TTC23: variants seen among roughly 807,000 people sequenced by gnomAD.
TTC23 encodes the protein tetratricopeptide repeat protein 23.
TTC23 carries 58 observed loss-of-function variants against 55.1 expected under a neutral mutation model. That is an observed-to-expected ratio of 1.05 (90% CI 0.85 to 1.31). TTC23 has a LOEUF of 1.31. TTC23 is among the 50% of genes most tolerant of loss of function. The probability of loss-of-function intolerance (pLI) is 0.00; values close to 1 mark genes in which losing one functional copy is unlikely to be tolerated. For missense variants in TTC23, 516 were observed against 534.4 expected (o/e 0.97, Z 0.34); for synonymous variants, 203 against 199.9 (o/e 1.02, Z -0.13).
Position 99,175,085 on chromosome 15 carries a change from T to TG in TTC23, c.829dup (p.His277ProfsTer13), listed in dbSNP as rs751168466. On this transcript the variant is annotated frameshift_variant, in exon 10 of 14. Coordinates refer to ENST00000394132, the MANE Select transcript of TTC23 (RefSeq NM_001288615.3). LOFTEE classifies it high-confidence loss of function. ...GTGTCTCCCTGAAGCGACAGCAGCATGGGCGACGATGTGTGCCGAGTCTGC... is the reference window on the plus strand; with the variant it reads ...GTGTCTCCCTGAAGCGACAGCAGCATGGGGCGACGATGTGTGCCGAGTCTGC... 1 of 1,614,166 alleles carries TG rather than the reference T, an allele frequency of 6.2e-7. No homozygotes were observed. Among genetic ancestry groups the TG allele is most frequent in the Non-Finnish European group, 8.5e-7 (1 of 1,180,032 alleles).
At chr15:99,202,630 T>C (rs1274848745) in intron 8 of TTC23, among the ~76,000 whole-genome samples, 2 of 152,224 alleles carry the variant, frequency 1.3e-5, no homozygotes, top group Non-Finnish European at 2.9e-5. Context: ...ACCTACTAGC[T>C]ATCTCAGCCA....
chr15:99,249,205 C>T lies in TTC23; in HGVS notation c.-465G>A, dbSNP rs1193028533. On this transcript the variant is annotated 5_prime_UTR_variant, in exon 1 of 14. Coordinates refer to ENST00000394132, the MANE Select transcript of TTC23 (RefSeq NM_001288615.3). ...ATCCACTGATAATCTGGGCATGATG[C>T]TTTCAAACTTCACCCTAAAGAGAAA... 6.6e-6 allele frequency: 1 copy of T among 152,182 alleles called. No individual in the cohort carries two copies. The highest frequency in any genetic ancestry group is 2.4e-5 in the African/African-American group (1 of 41,432). 9.4% of individuals were successfully genotyped at this position (152,182 alleles called of 1,614,324 possible).
At chr15:99,182,775 A>G (rs2074274436) in intron 9 of TTC23, among the ~76,000 whole-genome samples, 1 of 151,936 alleles carries the variant, frequency 6.6e-6, no homozygotes, top group Admixed American at 6.6e-5. Context: ...ATATAGCTTG[A>G]TTTTTAAAAA....
chr15:99,244,679 C>A (rs1351460986), intron 2 of TTC23, among the ~76,000 whole-genome samples: 1 of 151,984 alleles, frequency 6.6e-6, no homozygotes, highest in Non-Finnish European at 1.5e-5. Context: ...AGATTAAAAG[C>A]CTCAATATTA....
At chr15:99,227,059 T>G (rs1267671029) in intron 5 of TTC23, among the ~76,000 whole-genome samples, 1 of 152,224 alleles carries the variant, frequency 6.6e-6, no homozygotes, top group East Asian at 1.9e-4. Context: ...GCTTAATTCT[T>G]TTGCAGAAGT....
chr15:99,168,379 C>T (rs1016697909), intron 10 of TTC23, among the ~76,000 whole-genome samples: 1 of 152,158 alleles, frequency 6.6e-6, no homozygotes, highest in Non-Finnish European at 1.5e-5. Context: ...GTGACCAGCC[C>T]CCCTCCATGA....
At chr15:99,149,328 G>A (rs2069393829) in intron 12 of TTC23, among the ~76,000 whole-genome samples, 1 of 152,210 alleles carries the variant, frequency 6.6e-6, no homozygotes, top group Non-Finnish European at 1.5e-5. Context: ...CTTGGAGCCT[G>A]GCAAACAGGT....
chr15:99,240,570 G>T (rs2079691804), intron 3 of TTC23, among the ~76,000 whole-genome samples: 1 of 152,184 alleles, frequency 6.6e-6, no homozygotes, highest in Non-Finnish European at 1.5e-5. Flanking sequence ...CTGCCCTGGG[G>T]GCAAGGGTAC....
chr15:99,239,621 A>G (rs1472732668), intron 3 of TTC23, among the ~76,000 whole-genome samples: 1 of 152,232 alleles, frequency 6.6e-6, no homozygotes, highest in Non-Finnish European at 1.5e-5. Context: ...TTGAGATCCT[A>G]AGATGTTGGC....
chr15:99,220,915 T>G (rs910817429), intron 6 of TTC23, among the ~76,000 whole-genome samples: 3 of 152,176 alleles, frequency 2.0e-5, no homozygotes, highest in East Asian at 1.9e-4. Context: ...GTTTCCCTTT[T>G]GGGATGCCTG....
chr15:99,206,605 T>C (rs1376529224), intron 8 of TTC23, among the ~76,000 whole-genome samples: 1 of 152,198 alleles, frequency 6.6e-6, no homozygotes, highest in Non-Finnish European at 1.5e-5. Flanking sequence ...TACATATAGT[T>C]GCTCATAATA....
rs1323554169 is a variant in TTC23, at chr15:99,161,816, TC to T, written c.916del (p.Glu306LysfsTer21). 1 of 1,613,576 alleles carries T rather than the reference TC, an allele frequency of 6.2e-7. No homozygotes were observed. Among genetic ancestry groups the T allele is most frequent in the Non-Finnish European group, 8.5e-7 (1 of 1,179,904 alleles). On this transcript the variant is annotated frameshift_variant, in exon 11 of 14. Transcript: ENST00000394132. LOFTEE classifies it high-confidence loss of function. ...QESMAHLKDS[E>X]GMGRTKFLSI... ...AAGAAATTTGGTTCTTCCCATCCCT[TC>T]AGAATCCTTAAGATGAGCCATGCTC... is the stretch of plus-strand genomic sequence containing the variant.
At chr15:99,153,330 G>A (rs2070098874) in intron 12 of TTC23, among the ~76,000 whole-genome samples, 1 of 152,218 alleles carries the variant, frequency 6.6e-6, no homozygotes, top group Middle Eastern at 3.2e-3. Context: ...GCTAGCACAT[G>A]ACTGGCCTAT....
intron 10 of TTC23, among the ~76,000 whole-genome samples, chr15:99,166,105 G>C (rs917146686): frequency 3.9e-5 from 6 of 152,184 alleles, no homozygotes; most frequent in Non-Finnish European, 5.9e-5. Flanking sequence ...CAGACTCCGG[G>C]CTTTGGCTGA....
chr15:99,211,486 G>GA lies in TTC23; in HGVS notation c.581+7101dup, dbSNP rs1244421139. ...AAATGTAGCCTTCCCAAGGCACAGG[G>GA]AAAAAATGCAGAAAAAAATTGCACA... On this transcript the variant is annotated intron_variant, in intron 8 of 13. Coordinates refer to ENST00000394132, the MANE Select transcript of TTC23 (RefSeq NM_001288615.3). 3.3e-5 allele frequency among the ~76,000 whole-genome samples: 5 copies of GA among 152,096 alleles called. 1 individual carries two copies. The highest frequency in any genetic ancestry group is 5.9e-5 in the Non-Finnish European group (4 of 68,012).
intron 8 of TTC23, among the ~76,000 whole-genome samples, chr15:99,206,639 C>T (rs2076650700): frequency 6.6e-6 from 1 of 152,038 alleles, no homozygotes; most frequent in South Asian, 2.1e-4. Context: ...CTTTGAATTT[C>T]TGTGGTAGCA....
chr15:99,225,474 C>T lies in TTC23; in HGVS notation c.180+3059G>A, dbSNP rs150183208. 1.9e-4 allele frequency among the ~76,000 whole-genome samples: 29 copies of T among 152,164 alleles called. No homozygotes were observed. The South Asian group carries it at 3.3e-3, about 17-fold the overall frequency. ...TGGTAGCGCCAGGAAGTGGTTAAAC[C>T]GTAAGGGGATGCATTGAGGACTCAG... On this transcript the variant is annotated intron_variant, in intron 5 of 13. Transcript: ENST00000394132.
Position 99,156,317 on chromosome 15 carries a change from C to G in TTC23, c.994-20G>C. The G allele has an allele frequency of 6.2e-7, 1 of 1,612,158 alleles. No homozygotes were observed. The highest frequency in any genetic ancestry group is 8.5e-7 in the Non-Finnish European group (1 of 1,178,666). On this transcript the variant is annotated intron_variant, in intron 11 of 13. Transcript: ENST00000394132. ...TGCTCTCTGTGAAAGGAACAAAAAG[C>G]TATCTGGTTAACAAGCTCAAAGGCT...
intron 9 of TTC23, among the ~76,000 whole-genome samples, chr15:99,186,875 CA>C: frequency 6.6e-6 from 1 of 152,120 alleles, no homozygotes; most frequent in South Asian, 2.1e-4. Flanking sequence ...CAATACTTCC[CA>C]AATTGAGATA....
Sources: allele counts gnomAD v4.1 joint callset (sites outside exome capture counted in the v4.1 genomes callset), GRCh38; gene constraint gnomAD v4.1.1; transcripts MANE v1.5; gene names NCBI Gene and HGNC (gene_info 2026-07-23, HGNC 2026-07-21).